USH2A: variants seen among roughly 807,000 people sequenced by gnomAD.
USH2A encodes the protein Usher syndrome 2A (autosomal recessive, mild).
A neutral mutation model predicts 538.9 loss-of-function variants in USH2A; 443 were observed. The ratio of observed to expected loss-of-function variants is 0.82; its 90% CI spans 0.76 to 0.89. USH2A has a LOEUF of 0.89. USH2A is among the 40% of genes least tolerant of loss of function. USH2A has a pLI of 0.00. For missense variants in USH2A, 6,633 were observed against 6,324.8 expected, an observed-to-expected ratio of 1.05 and a Z score of -1.65; for synonymous variants, 2,413 against 2,273.5, an observed-to-expected ratio of 1.06 and a Z score of -1.75.
chr1:216,399,512 C>A (rs1477987925), intron 3 of USH2A, among the ~76,000 whole-genome samples: 1 of 152,064 alleles, frequency 6.6e-6, no homozygotes. Context: ...TGGGAGAGTT[C>A]TGGAGAGAAG....
intron 11 of USH2A, among the ~76,000 whole-genome samples, chr1:216,270,226 T>C (rs1166488405): frequency 6.6e-6 from 1 of 152,012 alleles, no homozygotes; most frequent in East Asian, 1.9e-4. Context: ...CTCAAGAAAC[T>C]CACTAAAAGC....
chr1:216,256,011 A>G (rs1459330069), intron 11 of USH2A, among the ~76,000 whole-genome samples: 1 of 152,126 alleles, frequency 6.6e-6, no homozygotes, highest in East Asian at 1.9e-4. Context: ...TATCTTGGAC[A>G]AAATTTCTAA....
chr1:216,123,030 A>G (rs1191321695), intron 21 of USH2A, among the ~76,000 whole-genome samples: 3 of 152,188 alleles, frequency 2.0e-5, no homozygotes, highest in Non-Finnish European at 1.5e-5. Flanking sequence ...GTCTCTCACC[A>G]TGTGACACAC....
chr1:215,725,068 C>G (rs1659771549), intron 61 of USH2A, among the ~76,000 whole-genome samples: 1 of 152,136 alleles, frequency 6.6e-6, no homozygotes, highest in Non-Finnish European at 1.5e-5. Flanking sequence ...GAGTCTTGCT[C>G]TGTTGCCCAG....
chr1:215,636,426 TAA>T (rs1314430424), intron 69 of USH2A, among the ~76,000 whole-genome samples: 1 of 152,200 alleles, frequency 6.6e-6, no homozygotes, highest in African/African-American at 2.4e-5. Flanking sequence ...ATCTCTAAAA[TAA>T]AGGGTTGAGT....
intron 4 of USH2A, among the ~76,000 whole-genome samples, chr1:216,354,616 G>C (rs1011277766): frequency 6.6e-6 from 1 of 152,080 alleles, no homozygotes; most frequent in Non-Finnish European, 1.5e-5. Flanking sequence ...GATGGGCTTA[G>C]CAGCAGCCTA....
intron 60 of USH2A, among the ~76,000 whole-genome samples, chr1:215,737,979 T>C (rs1265281429): frequency 6.6e-6 from 1 of 152,088 alleles, no homozygotes; most frequent in Non-Finnish European, 1.5e-5. Context: ...TTGTATATAG[T>C]TTTGCCTCTC....
chr1:216,193,759 A>G (rs987061363), intron 19 of USH2A, among the ~76,000 whole-genome samples: 3 of 152,066 alleles, frequency 2.0e-5, no homozygotes, highest in African/African-American at 7.2e-5. Context: ...ACAGGTAGGT[A>G]GAAGAGAAGA....
intron 61 of USH2A, among the ~76,000 whole-genome samples, chr1:215,709,702 G>A (rs1329583497): frequency 2.7e-5 from 4 of 149,422 alleles, no homozygotes; most frequent in South Asian, 2.1e-4. Context: ...CCAGTGGGAA[G>A]TGCTGACTAT....
chr1:215,730,040 T>A lies in USH2A; in HGVS notation c.11712-1656A>T, dbSNP rs147945588. 3.9e-3 allele frequency among the ~76,000 whole-genome samples: 590 copies of A among 152,336 alleles called. 8 individuals carry two copies. The highest frequency in any genetic ancestry group is 0.013 in the African/African-American group (557 of 41,578). On this transcript the variant is annotated intron_variant, in intron 60 of 71. Transcript: ENST00000307340. ...TTCAACTGTCTGAGGATGGAATTGT[T>A]TAGGCTCATCTTTAGATTTTGTTGA... is the stretch of plus-strand genomic sequence containing the variant.
At chr1:215,796,842 GAAAA>G (rs1662153528) in intron 50 of USH2A, among the ~76,000 whole-genome samples, 1 of 151,598 alleles carries the variant, frequency 6.6e-6, no homozygotes, top group African/African-American at 2.4e-5. Context: ...AGTTCTTGAA[GAAAA>G]TCAAAATGCT....
At chr1:216,305,748 G>A (rs1234335490) in intron 9 of USH2A, among the ~76,000 whole-genome samples, 4 of 152,072 alleles carry the variant, frequency 2.6e-5, no homozygotes, top group Non-Finnish European at 5.9e-5. Context: ...GAAAAAGACT[G>A]TATTTTTCCT....
At position 215,625,763 on chromosome 1, in the gene USH2A, C is replaced by A. The variant is rs142036862; in HGVS notation, c.*18G>T. ...CAGACCTTGCATTCCAGGGTTACGTCTTCTGGGTTTCCATCCTTTACAGGT... is the reference window on the plus strand; with the variant it reads ...CAGACCTTGCATTCCAGGGTTACGTATTCTGGGTTTCCATCCTTTACAGGT... On this transcript the variant is annotated 3_prime_UTR_variant, in exon 72 of 72. Coordinates refer to ENST00000307340, the MANE Select transcript of USH2A (RefSeq NM_206933.4). 1 of 1,613,556 alleles carries A rather than the reference C, an allele frequency of 6.2e-7. No homozygotes were observed. Among genetic ancestry groups the A allele is most frequent in the African/African-American group, 1.3e-5 (1 of 75,026 alleles).
At chr1:216,033,287 C>T (rs1015950076) in intron 32 of USH2A, among the ~76,000 whole-genome samples, 1 of 152,154 alleles carries the variant, frequency 6.6e-6, no homozygotes, top group African/African-American at 2.4e-5. Flanking sequence ...ACTATCATCT[C>T]TCTGTATGTA....
intron 32 of USH2A, among the ~76,000 whole-genome samples, chr1:216,009,812 T>A (rs1423404504): frequency 6.6e-6 from 1 of 152,064 alleles, no homozygotes; most frequent in Non-Finnish European, 1.5e-5. Context: ...TGACTAGCCC[T>A]CCCCAACCTG....
intron 26 of USH2A, among the ~76,000 whole-genome samples, chr1:216,081,034 T>C (rs1190439603): frequency 2.6e-5 from 4 of 152,110 alleles, no homozygotes; most frequent in Non-Finnish European, 5.9e-5. Context: ...TACTGTTTAA[T>C]AAAAGAATTG....
chr1:216,026,964 T>G lies in USH2A; in HGVS notation c.6325+19467A>C, dbSNP rs116592776. Reference sequence around the variant, plus strand: ...AGGCATTCTTGAAAATATTTTGTTCTTATATTCTGTAGGCTTTATCCCCTC... The same window carrying G: ...AGGCATTCTTGAAAATATTTTGTTCGTATATTCTGTAGGCTTTATCCCCTC... On this transcript the variant is annotated intron_variant, in intron 32 of 71. Transcript: ENST00000307340. Among the ~76,000 whole-genome samples the G allele has an allele frequency of 6.0e-3, 912 of 152,312 alleles. 12 individuals are homozygous for G. The highest frequency in any genetic ancestry group is 0.021 in the African/African-American group (860 of 41,588).
intron 15 of USH2A, among the ~76,000 whole-genome samples, chr1:216,208,649 C>T (rs1400156183): frequency 1.3e-5 from 2 of 152,110 alleles, no homozygotes; most frequent in Non-Finnish European, 1.5e-5. Flanking sequence ...ACCCTGAACC[C>T]TGGGTCTAAT....
At chr1:216,255,927 G>A (rs543217580) in intron 11 of USH2A, among the ~76,000 whole-genome samples, 1 of 152,194 alleles carries the variant, frequency 6.6e-6, no homozygotes, top group East Asian at 1.9e-4. Flanking sequence ...GAAATATTAA[G>A]AATTGTTATG....
Sources: allele counts gnomAD v4.1 joint callset (sites outside exome capture counted in the v4.1 genomes callset), GRCh38; gene constraint gnomAD v4.1.1; transcripts MANE v1.5; gene names NCBI Gene and HGNC (gene_info 2026-07-23, HGNC 2026-07-21).